AREL1: variants seen among roughly 807,000 people sequenced by gnomAD.
The protein encoded by AREL1 is apoptosis resistant E3 ubiquitin protein ligase 1.
A neutral mutation model predicts 99.0 loss-of-function variants in AREL1; 62 were observed. The observed-to-expected ratio is 0.63, with a 90% CI of 0.51 to 0.77. AREL1 has a LOEUF of 0.77. AREL1 is among the 30% of genes least tolerant of loss of function. The pLI, the probability that AREL1 is intolerant of heterozygous loss-of-function variation, is 0.00. For synonymous variants in AREL1, 380 were observed against 376.5 expected, an observed-to-expected ratio of 1.01 and a Z score of -0.11; for missense variants, 879 against 1,027.6, an observed-to-expected ratio of 0.86 and a Z score of 1.98.
At chr14:74,685,044 T>C (rs1314777251) in intron 3 of AREL1, among the ~76,000 whole-genome samples, 2 of 152,190 alleles carry the variant, frequency 1.3e-5, no homozygotes, top group Non-Finnish European at 2.9e-5. Flanking sequence ...TGGCCTTTTA[T>C]AGAAAAAGTT....
Position 74,684,565 on chromosome 14 carries a change from C to T in AREL1, c.132G>A (p.Arg44=). 1 of 1,614,172 alleles carries T rather than the reference C, an allele frequency of 6.2e-7. No homozygotes were observed. Among genetic ancestry groups the T allele is most frequent in the East Asian group, 2.2e-5 (1 of 44,884 alleles). The stretch of plus-strand genomic sequence containing the variant: ...TTCCCCGCACGTAGTCATAAATAGT[C>T]CGGTCCCCTCGGCGCTCGCGGTCCT... ...QNEDRERRGD[R]TIYDYVRGNY... The change falls in exon 4 of 20, where the codon CGG becomes CGA. Residue 44 remains arginine (R), a synonymous_variant. Transcript: ENST00000356357.
At chr14:74,712,038 C>CAAAAAAAAAAAAAAAAAAAAAAAAA (rs752599769) in intron 1 of AREL1, 34 of 28,696 alleles carry the variant, frequency 1.2e-3, no homozygotes, top group East Asian at 2.9e-3. Context: ...AGACAAAGTG[C>CAAAAAAAAAAAAAAAAAAAAAAAAA]AAAAAAAAAA....
chr14:74,676,007 C>T, intron 7 of AREL1, 61 bp from the exon 8 acceptor site: 1 of 1,538,544 alleles, frequency 6.5e-7, no homozygotes, highest in Non-Finnish European at 8.7e-7. Context: ...AATTACCTAT[C>T]ACAGGCTTTT....
chr14:74,703,567 A>G (rs2090123647), intron 1 of AREL1, among the ~76,000 whole-genome samples: 1 of 152,208 alleles, frequency 6.6e-6, no homozygotes, highest in African/African-American at 2.4e-5. Context: ...GTACATAGAA[A>G]TACATTTGTA....
intron 5 of AREL1, among the ~76,000 whole-genome samples, chr14:74,677,438 G>A (rs1219558381): frequency 6.6e-6 from 1 of 151,058 alleles, no homozygotes; most frequent in African/African-American, 2.4e-5. Flanking sequence ...AAAGGCTACA[G>A]TGAGCTATGA....
chr14:74,668,987 C>T (rs1465077030), intron 15 of AREL1, among the ~76,000 whole-genome samples: 2 of 152,160 alleles, frequency 1.3e-5, no homozygotes, highest in South Asian at 4.1e-4. Flanking sequence ...AAGCGATGTT[C>T]CAGCTTCAGC....
chr14:74,694,417 C>T (rs1001748607), intron 1 of AREL1, among the ~76,000 whole-genome samples: 1 of 151,928 alleles, frequency 6.6e-6, no homozygotes, highest in South Asian at 2.1e-4. Flanking sequence ...AAAGTAGGAA[C>T]AAAACTGTTT....
intron 1 of AREL1, chr14:74,698,877 AG>A: frequency 5.1e-6 from 1 of 196,806 alleles, no homozygotes. Flanking sequence ...AAAAAAAAAA[AG>A]CTGGGTGTGG....
intron 5 of AREL1, among the ~76,000 whole-genome samples, chr14:74,680,532 A>G (rs1238622698): frequency 6.6e-6 from 1 of 152,220 alleles, no homozygotes; most frequent in Non-Finnish European, 1.5e-5. Context: ...ACTCCAATAC[A>G]TCTCAGCAAC....
chr14:74,673,187 T>C lies in AREL1; in HGVS notation c.1190A>G (p.Lys397Arg). ...FSYLGPDPVH[K>R]LLTLVVDDGI... is the part of the protein sequence containing the mutation. Reference sequence around the variant, plus strand: ...ATCATCCACCACCAGTGTGAGCAGCTTATGGACAGGGTCAGGACCAAGGTA... The same window carrying C: ...ATCATCCACCACCAGTGTGAGCAGCCTATGGACAGGGTCAGGACCAAGGTA... The change falls in exon 10 of 20, where the codon AAG becomes AGG. Residue 397 changes from lysine to arginine, a missense_variant. Coordinates refer to ENST00000356357, the MANE Select transcript of AREL1 (RefSeq NM_001039479.2). 2 of 1,614,126 alleles carry C rather than the reference T, an allele frequency of 1.2e-6. No homozygotes were observed.
rs547480629 is a variant in AREL1 at position 74,692,804 on chromosome 14, A to G, written c.-333-476T>C. On this transcript the variant is annotated intron_variant, in intron 1 of 19. Coordinates refer to ENST00000356357, the MANE Select transcript of AREL1 (RefSeq NM_001039479.2). ...CTGCAGCCTTGACCTCCTGGGCTCAAGCGATCCTCCCGCCTCAGCCTCCCA... is the reference window on the plus strand; with the variant it reads ...CTGCAGCCTTGACCTCCTGGGCTCAGGCGATCCTCCCGCCTCAGCCTCCCA... Among the ~76,000 whole-genome samples, 3 of 152,272 alleles carry G rather than the reference A, an allele frequency of 2.0e-5. No individual in the cohort carries two copies. In the East Asian group the frequency reaches 5.8e-4, roughly 29 times the overall value.
rs2089761587 is a variant in AREL1, at chr14:74,686,956, T to C, written c.-45-1296A>G. 2.6e-5 allele frequency among the ~76,000 whole-genome samples: 4 copies of C among 152,218 alleles called. No homozygotes were observed. In the South Asian group the frequency reaches 8.3e-4, roughly 32 times the overall value. ...CTCCTTCCCAAACAAGTATCTCATCTCTTGGGACCCTATGCTGAATTAGCT... is the reference window on the plus strand; with the variant it reads ...CTCCTTCCCAAACAAGTATCTCATCCCTTGGGACCCTATGCTGAATTAGCT... On this transcript the variant is annotated intron_variant, in intron 2 of 19. Coordinates refer to ENST00000356357, the MANE Select transcript of AREL1 (RefSeq NM_001039479.2).
At chr14:74,709,879 T>G (rs1398772435) in intron 1 of AREL1, among the ~76,000 whole-genome samples, 2 of 152,236 alleles carry the variant, frequency 1.3e-5, no homozygotes, top group Non-Finnish European at 2.9e-5. Flanking sequence ...AGAAATTTGA[T>G]ACCAACTTAA....
chr14:74,670,291 A>C, intron 13 of AREL1, 165 bp from the exon 14 acceptor site: 1 of 592,450 alleles, frequency 1.7e-6, no homozygotes, highest in Non-Finnish European at 2.8e-6. Flanking sequence ...AGTAATTCAA[A>C]GTGACTAGAA....
chr14:74,679,128 G>C (rs919300987), intron 5 of AREL1, among the ~76,000 whole-genome samples: 2 of 152,144 alleles, frequency 1.3e-5, no homozygotes, highest in Non-Finnish European at 2.9e-5. Context: ...TTGAACTCCT[G>C]GGCTCAAGTG....
At chr14:74,671,759 A>G (rs539069591) in intron 11 of AREL1, among the ~76,000 whole-genome samples, 22 of 152,340 alleles carry the variant, frequency 1.4e-4, no homozygotes, top group African/African-American at 4.8e-4. Flanking sequence ...GTTTTAAACA[A>G]TCCTTGTTTT....
intron 5 of AREL1, among the ~76,000 whole-genome samples, chr14:74,677,335 C>CA (rs1022433981): frequency 6.6e-6 from 1 of 151,528 alleles, no homozygotes; most frequent in Non-Finnish European, 1.5e-5. Context: ...ACCATCTCTA[C>CA]AAAAAATAAA....
chr14:74,699,739 AAGG>A (rs2090048740), intron 1 of AREL1, among the ~76,000 whole-genome samples: 1 of 152,196 alleles, frequency 6.6e-6, no homozygotes, highest in African/African-American at 2.4e-5. Context: ...ATTTTGTTTG[AAGG>A]AGAAGTTTCC....
intron 11 of AREL1, among the ~76,000 whole-genome samples, chr14:74,672,508 G>A (rs534527484): frequency 1.3e-5 from 2 of 152,142 alleles, no homozygotes; most frequent in African/African-American, 4.8e-5. Context: ...AGGCTGAGGC[G>A]GGTGTATCAC....
Sources: allele counts gnomAD v4.1 joint callset (sites outside exome capture counted in the v4.1 genomes callset), GRCh38; gene constraint gnomAD v4.1.1; transcripts MANE v1.5; gene names NCBI Gene and HGNC (gene_info 2026-07-23, HGNC 2026-07-21).